The following GPHN variants were observed in gnomAD, a reference collection of about 807,000 sequenced individuals.
GPHN encodes gephyrin.
In GPHN, 17 loss-of-function variants were observed where a neutral mutation model predicts 95.5. The ratio of observed to expected loss-of-function variants is 0.18; its 90% CI spans 0.12 to 0.27. The LOEUF is 0.27. GPHN is among the 10% of genes least tolerant of loss of function. The pLI is 1.00. For synonymous variants in GPHN, 320 were observed against 322.5 expected (o/e 0.99, Z 0.08); for missense variants, 660 against 978.1 (o/e 0.67, Z 4.34).
At chr14:67,721,475 G>A in the GPHN span, among the ~76,000 whole-genome samples, 159 of 152,056 alleles carry the variant, frequency 1.0e-3, 2 homozygotes, top group African/African-American at 3.5e-3. Context: ...TTGAACTTCT[G>A]GCCTCAAGGG....
In GPHN at chr14:66,590,774, A is replaced by T. The variant is rs571069244; in HGVS notation, c.64+82183A>T. Reference sequence around the variant, plus strand: ...TTCTGAAACTGTTCCAAACAAGAGAAAGAGAAGGAATCCTCCCTAACTCAT... The same window carrying T: ...TTCTGAAACTGTTCCAAACAAGAGATAGAGAAGGAATCCTCCCTAACTCAT... On this transcript the variant is annotated intron_variant, in intron 1 of 22. Transcript: ENST00000478722. Among the ~76,000 whole-genome samples the T allele has an allele frequency of 5.8e-4, 89 of 152,352 alleles. 1 individual carries two copies. The highest frequency in any genetic ancestry group is 3.5e-3 in the Admixed American group (54 of 15,304).
At chr14:67,033,489 A>G (rs2074284093) in intron 10 of GPHN, among the ~76,000 whole-genome samples, 1 of 152,012 alleles carries the variant, frequency 6.6e-6, no homozygotes, top group Non-Finnish European at 1.5e-5. Flanking sequence ...GCTTGAACCC[A>G]GGAGGTGGAA....
chr14:67,401,237 A>C, the GPHN span, among the ~76,000 whole-genome samples: 91 of 152,304 alleles, frequency 6.0e-4, 1 homozygote, highest in African/African-American at 2.2e-3. Flanking sequence ...CTGTAATCCC[A>C]GGAATTTGGG....
the GPHN span, among the ~76,000 whole-genome samples, chr14:67,507,995 G>A: frequency 3.3e-5 from 5 of 152,050 alleles, no homozygotes; most frequent in East Asian, 1.9e-4. Flanking sequence ...AAAATTAGCC[G>A]GACGTGGGGG....
At chr14:67,210,873 A>G in the GPHN span, among the ~76,000 whole-genome samples, 1 of 152,130 alleles carries the variant, frequency 6.6e-6, no homozygotes, top group East Asian at 1.9e-4. Context: ...ATGTGGTAGC[A>G]TGTGTCTGTA....
the GPHN span, among the ~76,000 whole-genome samples, chr14:67,511,317 C>T: frequency 1.3e-5 from 2 of 151,548 alleles, no homozygotes; most frequent in Admixed American, 1.3e-4. Flanking sequence ...TTAGCTCTCC[C>T]TACATTAATT....
intron 11 of GPHN, among the ~76,000 whole-genome samples, chr14:67,062,618 A>G (rs1237758557): frequency 6.6e-6 from 1 of 152,226 alleles, no homozygotes; most frequent in South Asian, 2.1e-4. Context: ...TTCAGAGTAT[A>G]GTACATGAAA....
chr14:66,814,748 G>C (rs543275499), intron 3 of GPHN, among the ~76,000 whole-genome samples: 3 of 152,200 alleles, frequency 2.0e-5, no homozygotes, highest in Admixed American at 2.0e-4. Flanking sequence ...CAAAAAGCTA[G>C]AGTACCTTCT....
the GPHN span, among the ~76,000 whole-genome samples, chr14:67,456,960 G>A: frequency 6.6e-6 from 1 of 152,204 alleles, no homozygotes; most frequent in Non-Finnish European, 1.5e-5. Context: ...GAAAAAGAAC[G>A]AGATCACGTC....
intron 3 of GPHN, among the ~76,000 whole-genome samples, chr14:66,822,064 G>C (rs1248565751): frequency 2.6e-5 from 4 of 152,058 alleles, no homozygotes; most frequent in Admixed American, 6.6e-5. Context: ...TGATTCTCCT[G>C]CCTCAGCCTC....
chr14:67,205,333 G>A, the GPHN span, among the ~76,000 whole-genome samples: 3 of 152,128 alleles, frequency 2.0e-5, no homozygotes, highest in African/African-American at 7.2e-5. Flanking sequence ...GAAATGGAAA[G>A]AATTTTGGAA....
the GPHN span, chr14:67,562,043 G>A: frequency 6.2e-7 from 1 of 1,613,330 alleles, no homozygotes; most frequent in East Asian, 2.2e-5. Flanking sequence ...AAGGTAGGCA[G>A]GCCAGGGTGT....
chr14:67,728,641 T>C, the GPHN span, among the ~76,000 whole-genome samples: 2 of 151,640 alleles, frequency 1.3e-5, no homozygotes, highest in Non-Finnish European at 2.9e-5. Context: ...ATTTAAAGCA[T>C]GTTGTATGGC....
intron 11 of GPHN, among the ~76,000 whole-genome samples, chr14:67,087,780 G>A (rs937126428): frequency 3.9e-5 from 6 of 152,140 alleles, no homozygotes; most frequent in South Asian, 2.1e-4. Context: ...ATCCAGCTCC[G>A]GAAACAATGA....
chr14:67,431,534 T>G, the GPHN span, among the ~76,000 whole-genome samples: 1 of 150,878 alleles, frequency 6.6e-6, no homozygotes, highest in Non-Finnish European at 1.5e-5. Context: ...ACCCAAAACA[T>G]TTTAAAAATT....
chr14:66,536,116 T>G (rs934061203), intron 1 of GPHN, among the ~76,000 whole-genome samples: 7 of 152,160 alleles, frequency 4.6e-5, no homozygotes, highest in Admixed American at 4.6e-4. Flanking sequence ...TTTCTTTTCT[T>G]TTTTGAAAAA....
At chr14:67,364,197 A>C in the GPHN span, 1 of 152,154 alleles carries the variant, frequency 6.6e-6, no homozygotes, top group Non-Finnish European at 1.5e-5. Flanking sequence ...GATGCATTTT[A>C]GTTTATTTTG....
At chr14:67,261,597 G>T in the GPHN span, among the ~76,000 whole-genome samples, 1 of 152,078 alleles carries the variant, frequency 6.6e-6, no homozygotes, top group Non-Finnish European at 1.5e-5. Context: ...GGCTCACTTT[G>T]CCAGCACATA....
chr14:66,612,146 T>C (rs1171436629), intron 1 of GPHN, among the ~76,000 whole-genome samples: 1 of 152,108 alleles, frequency 6.6e-6, no homozygotes, highest in African/African-American at 2.4e-5. Flanking sequence ...CAGTTTTGCA[T>C]GCCTAAACTC....
Sources: gnomAD v4.1 joint callset for allele counts (sites outside exome capture counted in the v4.1 genomes callset) on GRCh38, gnomAD v4.1.1 for gene constraint, MANE v1.5 for transcripts, NCBI Gene and HGNC (gene_info 2026-07-23, HGNC 2026-07-21) for gene names.